The following GIPC2 variants were observed in gnomAD, a reference collection of about 807,000 sequenced individuals.
GIPC2 encodes the protein GIPC PDZ domain containing family member 2, also known as PDZ domain-containing protein GIPC2.
A neutral mutation model predicts 30.6 loss-of-function variants in GIPC2; 30 were observed. That is an observed-to-expected ratio of 0.98 (90% CI 0.73 to 1.33). The LOEUF (loss-of-function observed/expected upper bound fraction) is 1.33, where lower values mean the gene tolerates loss of function less well. Ranked by LOEUF, GIPC2 falls within the 40% of genes most tolerant of loss-of-function variation. GIPC2 has a pLI of 0.00. For missense variants in GIPC2, 414 were observed against 390.3 expected, an observed-to-expected ratio of 1.06 and a Z score of -0.51; for synonymous variants, 167 against 150.0, an observed-to-expected ratio of 1.11 and a Z score of -0.83.
At chr1:78,087,484 T>C (rs546068355) in intron 2 of GIPC2, among the ~76,000 whole-genome samples, 42 of 152,060 alleles carry the variant, frequency 2.8e-4, no homozygotes, top group African/African-American at 8.4e-4. Context: ...CTGACAAAAA[T>C]AAGCAATGGG....
chr1:78,092,977 G>A (rs1157866137), intron 2 of GIPC2, among the ~76,000 whole-genome samples: 1 of 152,126 alleles, frequency 6.6e-6, no homozygotes, highest in African/African-American at 2.4e-5. Flanking sequence ...TGAGATTCAG[G>A]TGTGTCTTCA....
intron 3 of GIPC2, 72 bp downstream of exon 3, chr1:78,095,204 G>C (rs2100378612): frequency 9.8e-7 from 1 of 1,020,620 alleles, no homozygotes; most frequent in East Asian, 2.4e-5. Context: ...AGGGAAATGA[G>C]TACTGTGATA....
At chr1:78,130,278 AT>A (rs1029710518) in intron 5 of GIPC2, among the ~76,000 whole-genome samples, 106 of 151,814 alleles carry the variant, frequency 7.0e-4, no homozygotes, top group African/African-American at 2.5e-3. Flanking sequence ...AATTTTTTGT[AT>A]TTTTAGTAGA....
Position 78,080,831 on chromosome 1 carries a change from G to C in GIPC2, c.397G>C (p.Asp133His). The C allele has an allele frequency of 6.2e-7, 1 of 1,600,870 alleles. No individual in the cohort carries two copies. Among genetic ancestry groups the C allele is most frequent in the Non-Finnish European group, 8.5e-7 (1 of 1,171,122 alleles). The change falls in exon 2 of 6, where the codon GAT becomes CAT. Residue 133 changes from aspartate (D) to histidine (H), a missense_variant. By Grantham distance (81) the Asp-to-His change is moderately conservative. Coordinates refer to ENST00000370759, the MANE Select transcript of GIPC2 (RefSeq NM_017655.6). ...SEDSLGLTITDNGVGYAFIKR... is the reference protein window; with the variant it reads ...SEDSLGLTITHNGVGYAFIKR... ...GGATTCACTTGGTCTCACCATTACA[G>C]ATAATGGTGTTGGCTATGCTTTTAT...
chr1:78,073,680 A>T (rs561156397), intron 1 of GIPC2, among the ~76,000 whole-genome samples: 1 of 152,296 alleles, frequency 6.6e-6, no homozygotes, highest in African/African-American at 2.4e-5. Context: ...AGAAAGTTGG[A>T]AGTGGACTTC....
rs2100464298 is a variant in GIPC2 at position 78,136,967 on chromosome 1, T to G, written c.*1224T>G. 6.6e-6 allele frequency: 1 copy of G among 152,248 alleles called. No individual in the cohort carries two copies. The highest frequency in any genetic ancestry group is 2.1e-4 in the South Asian group (1 of 4,826). The allele number at this position is 152,248 out of a possible 1,614,324, so 9.4% of individuals were successfully genotyped here. On this transcript the variant is annotated 3_prime_UTR_variant, in exon 6 of 6. Transcript: ENST00000370759. ...CATGGTAATCAGAAATAATAACCTG[T>G]TAGGGATGTATTCTAGGAAATCAGA...
In GIPC2 at chr1:78,084,243, G is replaced by A. The variant is rs1253973431; in HGVS notation, c.426+3383G>A. On this transcript the variant is annotated intron_variant, in intron 2 of 5. Transcript: ENST00000370759. The stretch of plus-strand genomic sequence containing the variant: ...GAAGTTATGAATTGGGCCAGGCATG[G>A]TGGCTCACACCTGTTATCCCAGCAC... Among the ~76,000 whole-genome samples, 4 of 152,204 alleles carry A rather than the reference G, an allele frequency of 2.6e-5. No homozygotes were observed. The East Asian group carries it at 7.7e-4, about 29-fold the overall frequency.
chr1:78,130,121 T>C (rs200508868), intron 5 of GIPC2, among the ~76,000 whole-genome samples: 76 of 146,770 alleles, frequency 5.2e-4, no homozygotes, highest in East Asian at 6.2e-4. Context: ...TTTTTTTTTT[T>C]CAGACAGAGT....
chr1:78,123,316 G>A (rs1404230975), intron 4 of GIPC2, among the ~76,000 whole-genome samples: 2 of 151,194 alleles, frequency 1.3e-5, no homozygotes, highest in Non-Finnish European at 2.9e-5. Context: ...AAATTAGTGA[G>A]TGAGTTCAAA....
intron 1 of GIPC2, among the ~76,000 whole-genome samples, chr1:78,058,513 C>T (rs1189248028): frequency 6.6e-6 from 1 of 152,094 alleles, no homozygotes; most frequent in Admixed American, 6.6e-5. Context: ...GTGAAGATGA[C>T]ATAGCCCCAT....
chr1:78,062,827 A>G lies in GIPC2; in HGVS notation c.240+16493A>G, dbSNP rs1468751442. ...GCCAAGGAATTATTGTTGAACACCT[A>G]TTACCACTTAACCTATGCTATCTTA... On this transcript the variant is annotated intron_variant, in intron 1 of 5. Coordinates refer to ENST00000370759, the MANE Select transcript of GIPC2 (RefSeq NM_017655.6). Among the ~76,000 whole-genome samples, 3 of 152,056 alleles carry G rather than the reference A, an allele frequency of 2.0e-5. No individual in the cohort carries two copies. The East Asian group carries it at 5.8e-4, about 29-fold the overall frequency.
chr1:78,129,041 A>G (rs1043227338), intron 5 of GIPC2, among the ~76,000 whole-genome samples: 4 of 149,624 alleles, frequency 2.7e-5, no homozygotes, highest in South Asian at 2.1e-4. Flanking sequence ...TGAAAAAAAA[A>G]AGAAGAAAAT....
intron 4 of GIPC2, 106 bp downstream of exon 4, chr1:78,119,605 A>G: frequency 1.5e-6 from 1 of 668,870 alleles, no homozygotes; most frequent in South Asian, 1.8e-5. Context: ...GTCTATTTAA[A>G]CAATCTGGAA....
chr1:78,084,846 A>G (rs558958437), intron 2 of GIPC2, among the ~76,000 whole-genome samples: 6 of 152,276 alleles, frequency 3.9e-5, no homozygotes, highest in South Asian at 2.1e-4. Context: ...GGTCAAGACT[A>G]TTGGGTTTTC....
At chr1:78,112,467 C>T (rs1366035074) in intron 3 of GIPC2, 1 of 519,040 alleles carries the variant, frequency 1.9e-6, no homozygotes, top group East Asian at 5.4e-5. Context: ...CAGCAGTGTC[C>T]ATCTGTGCCC....
chr1:78,046,428 T>G (rs1446077220), intron 1 of GIPC2, 94 bp downstream of exon 1: 5 of 1,207,538 alleles, frequency 4.1e-6, no homozygotes, highest in South Asian at 2.7e-5. Context: ...GAGCGGCGTT[T>G]CCCGGAGCGC....
intron 3 of GIPC2, among the ~76,000 whole-genome samples, chr1:78,110,115 A>C (rs919199578): frequency 5.9e-5 from 9 of 152,144 alleles, no homozygotes; most frequent in African/African-American, 1.4e-4. Flanking sequence ...CAGCACACCA[A>C]CATGGCACAT....
Position 78,046,348 on chromosome 1 carries a change from T to C in GIPC2, c.240+14T>C. 1 of 1,599,994 alleles carries C rather than the reference T, an allele frequency of 6.3e-7. No homozygotes were observed. The highest frequency in any genetic ancestry group is 8.5e-7 in the Non-Finnish European group (1 of 1,173,248). ...TCGCCGTCGGAGGTAAGGCGCCAGG[T>C]GCTCAGGCTCTCCCGCCTCTCCGCC... On this transcript the variant is annotated intron_variant, in intron 1 of 5. Transcript: ENST00000370759.
At chr1:78,046,946 A>G (rs1166425731) in intron 1 of GIPC2, among the ~76,000 whole-genome samples, 1 of 152,256 alleles carries the variant, frequency 6.6e-6, no homozygotes, top group Non-Finnish European at 1.5e-5. Flanking sequence ...CAAGAAGTTT[A>G]AAAAGCTGGG....
Sources: gnomAD v4.1 joint callset for allele counts (sites outside exome capture counted in the v4.1 genomes callset) on GRCh38, gnomAD v4.1.1 for gene constraint, MANE v1.5 for transcripts, NCBI Gene and HGNC (gene_info 2026-07-23, HGNC 2026-07-21) for gene names.